EML6: variants seen among roughly 807,000 people sequenced by gnomAD.
EML6 encodes the protein EMAP like 6.
In EML6, 154 loss-of-function variants were observed where a neutral mutation model predicts 240.1. The observed-to-expected ratio is 0.64, with a 90% CI of 0.56 to 0.73. The LOEUF is 0.73. Ranked by LOEUF, EML6 falls within the 30% of genes least tolerant of loss-of-function variation. EML6 has a pLI of 0.00. For synonymous variants in EML6, 1,148 were observed against 899.0 expected (o/e 1.28, Z -4.95); for missense variants, 2,964 against 2,474.6 (o/e 1.20, Z -4.20).
chr2:54,905,507 G>A (rs555643959), intron 24 of EML6, among the ~76,000 whole-genome samples: 224 of 152,034 alleles, frequency 1.5e-3, no homozygotes, highest in Non-Finnish European at 2.7e-3. Flanking sequence ...TTTTGACTGG[G>A]AAGATTTCTT....
At chr2:54,736,989 G>T (rs1316378805) in intron 2 of EML6, among the ~76,000 whole-genome samples, 1 of 152,220 alleles carries the variant, frequency 6.6e-6, no homozygotes, top group East Asian at 1.9e-4. Context: ...GGTTAAAGGA[G>T]ACTAGAATTA....
chr2:54,725,330 G>T lies in EML6; in HGVS notation c.197+72G>T. 1 of 1,205,992 alleles carries T rather than the reference G, an allele frequency of 8.3e-7. No homozygotes were observed. Among genetic ancestry groups the T allele is most frequent in the Non-Finnish European group, 1.1e-6 (1 of 904,782 alleles). The allele number at this position is 1,205,992 out of a possible 1,614,324, so 74.7% of individuals were successfully genotyped here. On this transcript the variant is annotated intron_variant, in intron 2 of 41. Transcript: ENST00000356458. The surrounding 1 kb of genome is among the most constrained non-coding windows in gnomAD (Gnocchi z 4.3). ...TGGGAAGGTGGGAAGCGGTTGACCT[G>T]GGGTCGGATCCGGGAGCCCCGTGGA...
intron 17 of EML6, chr2:54,881,971 G>A (rs1488218538): frequency 6.6e-6 from 1 of 152,390 alleles, no homozygotes; most frequent in Non-Finnish European, 1.5e-5. Context: ...AGCTGTGGTG[G>A]CATCGTCAGC....
intron 5 of EML6, among the ~76,000 whole-genome samples, chr2:54,820,840 A>G (rs1668300103): frequency 6.6e-6 from 1 of 152,194 alleles, no homozygotes; most frequent in African/African-American, 2.4e-5. Context: ...ACACTTTGAC[A>G]TGTTATGTTC....
rs546616298 is a variant in EML6 at position 54,862,198 on chromosome 2, G to T, written c.1826-1585G>T. ...TACTAAAAATACAAAAATTAGCCAG[G>T]CAAGGTGGAGCACATCTGTAATCCC... On this transcript the variant is annotated intron_variant, in intron 12 of 41. Transcript: ENST00000356458. Among the ~76,000 whole-genome samples the T allele has an allele frequency of 8.6e-5, 13 of 151,894 alleles. No homozygotes were observed. In the South Asian group the frequency reaches 2.7e-3, roughly 32 times the overall value.
intron 28 of EML6, among the ~76,000 whole-genome samples, chr2:54,938,816 T>C (rs893198170): frequency 3.9e-5 from 6 of 152,226 alleles, no homozygotes; most frequent in African/African-American, 1.4e-4. Context: ...AAGTCTGAGA[T>C]TGGCACTGGG....
chr2:54,897,240 G>A (rs1476468747), intron 21 of EML6, among the ~76,000 whole-genome samples: 1 of 152,142 alleles, frequency 6.6e-6, no homozygotes, highest in Non-Finnish European at 1.5e-5. Context: ...TGTTACACTT[G>A]AGGTAGTTTG....
chr2:54,887,090 C>T (rs1359409599), intron 17 of EML6, among the ~76,000 whole-genome samples: 1 of 152,196 alleles, frequency 6.6e-6, no homozygotes, highest in African/African-American at 2.4e-5. Flanking sequence ...ACCACTTCCC[C>T]TGCACCACCC....
At chr2:54,888,786 C>T (rs1309365022) in intron 17 of EML6, among the ~76,000 whole-genome samples, 1 of 152,176 alleles carries the variant, frequency 6.6e-6, no homozygotes, top group African/African-American at 2.4e-5. Flanking sequence ...ATCTATGTTG[C>T]TGCCACATTT....
intron 7 of EML6, among the ~76,000 whole-genome samples, chr2:54,837,704 A>G (rs760112416): frequency 6.6e-6 from 1 of 151,912 alleles, no homozygotes; most frequent in Non-Finnish European, 1.5e-5. Context: ...CTGACATGCA[A>G]GAACACACTA....
chr2:54,811,834 C>G (rs1667863138), intron 2 of EML6, among the ~76,000 whole-genome samples: 1 of 152,176 alleles, frequency 6.6e-6, no homozygotes, highest in Admixed American at 6.5e-5. Flanking sequence ...TTGATAATCT[C>G]TCACCAACTG....
intron 7 of EML6, among the ~76,000 whole-genome samples, chr2:54,830,767 C>G (rs1413327974): frequency 2.6e-5 from 4 of 152,202 alleles, no homozygotes; most frequent in South Asian, 4.1e-4. Context: ...ATTGTACTTC[C>G]TGTTTATACC....
intron 11 of EML6, among the ~76,000 whole-genome samples, chr2:54,854,717 A>T (rs1179573276): frequency 6.6e-6 from 1 of 152,270 alleles, no homozygotes; most frequent in Non-Finnish European, 1.5e-5. Context: ...TACAAATGGA[A>T]CATAAAATGC....
chr2:54,909,600 C>G (rs764025472), intron 24 of EML6, among the ~76,000 whole-genome samples: 18 of 152,018 alleles, frequency 1.2e-4, no homozygotes, highest in Non-Finnish European at 2.1e-4. Context: ...AATCCCAGCA[C>G]TTTGGGAGGC....
chr2:54,940,765 G>T (rs775109327), intron 28 of EML6, among the ~76,000 whole-genome samples: 10 of 152,206 alleles, frequency 6.6e-5, no homozygotes, highest in African/African-American at 2.2e-4. Flanking sequence ...GGGTGCCCCA[G>T]TTGGCCCTGG....
intron 28 of EML6, among the ~76,000 whole-genome samples, chr2:54,944,713 C>G (rs916602046): frequency 1.3e-5 from 2 of 152,118 alleles, no homozygotes; most frequent in African/African-American, 4.8e-5. Context: ...AGGCTTCTTT[C>G]AGGACATCCT....
chr2:54,744,002 G>A (rs1217753025), intron 2 of EML6, among the ~76,000 whole-genome samples: 1 of 152,070 alleles, frequency 6.6e-6, no homozygotes, highest in Non-Finnish European at 1.5e-5. Context: ...GAGGATGTTA[G>A]GAAGTTAGCT....
intron 2 of EML6, among the ~76,000 whole-genome samples, chr2:54,794,567 G>C (rs1343544345): frequency 6.6e-6 from 1 of 152,088 alleles, no homozygotes; most frequent in East Asian, 1.9e-4. Flanking sequence ...GGCTCGTCCT[G>C]ATGCCCCCTA....
In EML6 at chr2:54,895,411, T is replaced by C; in HGVS notation, c.2982+11T>C. The C allele has an allele frequency of 6.4e-7, 1 of 1,551,678 alleles. No individual in the cohort carries two copies. The highest frequency in any genetic ancestry group is 1.2e-5 in the South Asian group (1 of 84,026). On this transcript the variant is annotated intron_variant, in intron 21 of 41. Transcript: ENST00000356458. ...ACACTGCTTGTTCAGGTACTGTTTG[T>C]ATGTATTCTAAACTGCAGTTCACAT...
Sources: gnomAD v4.1 joint callset for allele counts (sites outside exome capture counted in the v4.1 genomes callset) on GRCh38, gnomAD v4.1.1 for gene constraint, Gnocchi (gnomAD v3.1) non-coding constraint, MANE v1.5 for transcripts, NCBI Gene and HGNC (gene_info 2026-07-23, HGNC 2026-07-21) for gene names.